Variants in FAM13A observed in about 807,000 individuals in gnomAD.
FAM13A encodes family with sequence similarity 13 member A.
A neutral mutation model predicts 129.6 loss-of-function variants in FAM13A; 76 were observed. That is an observed-to-expected ratio of 0.59 (90% confidence interval 0.49 to 0.71). The LOEUF is 0.71. FAM13A is among the 30% of genes least tolerant of loss of function. The pLI is 0.00. For synonymous variants in FAM13A, 443 were observed against 449.9 expected (o/e 0.98, Z 0.20); for missense variants, 1,108 against 1,249.3 (o/e 0.89, Z 1.70).
intron 7 of FAM13A, among the ~76,000 whole-genome samples, chr4:88,844,824 G>A (rs1578924392): frequency 6.6e-6 from 1 of 152,204 alleles, no homozygotes; most frequent in Non-Finnish European, 1.5e-5. Flanking sequence ...AAGACAGTGA[G>A]CAGTGAGGTT....
intron 4 of FAM13A, among the ~76,000 whole-genome samples, chr4:88,947,009 C>T (rs572287545): frequency 6.6e-6 from 1 of 152,218 alleles, no homozygotes; most frequent in African/African-American, 2.4e-5. Flanking sequence ...ATAGGTCAGG[C>T]TTTGGCCTGA....
intron 15 of FAM13A, 51 bp downstream of exon 15, chr4:88,750,373 T>C: frequency 7.0e-7 from 1 of 1,436,078 alleles, no homozygotes; most frequent in Non-Finnish European, 9.8e-7. Flanking sequence ...TCCTCTTTTC[T>C]GATGTTGTGG....
chr4:88,779,662 T>TA (rs1274090618), intron 11 of FAM13A, among the ~76,000 whole-genome samples: 3 of 152,272 alleles, frequency 2.0e-5, no homozygotes, highest in East Asian at 1.9e-4. Flanking sequence ...TTCTTTCACA[T>TA]AAAAAACCCC....
At chr4:88,731,489 G>C in intron 22 of FAM13A, 61 bp from the exon 23 acceptor site, 1 of 993,500 alleles carries the variant, frequency 1.0e-6, no homozygotes, top group South Asian at 1.4e-5. Flanking sequence ...TAAATGTGAT[G>C]AATGTGTAAC....
chr4:88,877,618 G>A (rs1479508232), intron 6 of FAM13A, among the ~76,000 whole-genome samples: 1 of 152,204 alleles, frequency 6.6e-6, no homozygotes, highest in Non-Finnish European at 1.5e-5. Context: ...TAGTGGCAGA[G>A]AAAGGCAGGT....
At chr4:88,842,858 C>G (rs1736051204) in intron 7 of FAM13A, among the ~76,000 whole-genome samples, 1 of 151,978 alleles carries the variant, frequency 6.6e-6, no homozygotes, top group African/African-American at 2.4e-5. Context: ...TGTCAAAATT[C>G]AAGTAGTCAT....
Position 88,749,565 on chromosome 4 carries a change from T to C in FAM13A, c.2079+206A>G, listed in dbSNP as rs573592366. On this transcript the variant is annotated intron_variant, in intron 16 of 23. Transcript: ENST00000264344. ...TGTAGACTTAAGCTTTCATTTTTTT[T>C]TTTGTAAGAATACACTTGTGCAAGG... Among the ~76,000 whole-genome samples, 31 of 152,352 alleles carry C rather than the reference T, an allele frequency of 2.0e-4. 1 individual carries two copies. The East Asian group carries it at 5.6e-3, about 27-fold the overall frequency.
intron 18 of FAM13A, among the ~76,000 whole-genome samples, chr4:88,747,373 C>G (rs1013980654): frequency 1.3e-5 from 2 of 152,202 alleles, no homozygotes; most frequent in Admixed American, 6.5e-5. Context: ...ACCTCAGAGT[C>G]ACAAAACCAG....
chr4:88,930,894 C>T (rs1458360586), intron 5 of FAM13A, among the ~76,000 whole-genome samples: 3 of 152,152 alleles, frequency 2.0e-5, no homozygotes, highest in Non-Finnish European at 4.4e-5. Context: ...TATGTATTGT[C>T]CTAAGCTTAG....
At chr4:88,821,130 C>A (rs965098760) in intron 7 of FAM13A, among the ~76,000 whole-genome samples, 1 of 152,206 alleles carries the variant, frequency 6.6e-6, no homozygotes, top group African/African-American at 2.4e-5. Flanking sequence ...CACGTAAGGG[C>A]GGGAAAGTTT....
At chr4:88,888,411 G>A (rs1744788364) in intron 6 of FAM13A, among the ~76,000 whole-genome samples, 1 of 152,118 alleles carries the variant, frequency 6.6e-6, no homozygotes, top group Non-Finnish European at 1.5e-5. Flanking sequence ...GATTTGAAAG[G>A]CAGAGGAAAA....
chr4:88,766,483 A>G (rs1745727215), intron 13 of FAM13A, among the ~76,000 whole-genome samples: 1 of 152,192 alleles, frequency 6.6e-6, no homozygotes, highest in Non-Finnish European at 1.5e-5. Flanking sequence ...TATATATAGG[A>G]CAAGAATTGA....
intron 4 of FAM13A, among the ~76,000 whole-genome samples, chr4:88,948,521 C>A (rs1186531388): frequency 6.6e-6 from 1 of 151,408 alleles, no homozygotes; most frequent in South Asian, 2.1e-4. Flanking sequence ...CAGAGTCTCA[C>A]TCTATCACCC....
chr4:88,954,694 G>A (rs915152294), intron 4 of FAM13A, among the ~76,000 whole-genome samples: 1 of 152,018 alleles, frequency 6.6e-6, no homozygotes, highest in Non-Finnish European at 1.5e-5. Flanking sequence ...TCACCAGCCT[G>A]GGCAACACGG....
chr4:88,917,912 C>T (rs1561330614), intron 5 of FAM13A, among the ~76,000 whole-genome samples: 3 of 152,132 alleles, frequency 2.0e-5, no homozygotes, highest in Non-Finnish European at 4.4e-5. Flanking sequence ...TACCCATTCA[C>T]TATAATTTTG....
chr4:88,956,698 A>T (rs1436476795), intron 4 of FAM13A, among the ~76,000 whole-genome samples: 2 of 152,196 alleles, frequency 1.3e-5, no homozygotes, highest in African/African-American at 4.8e-5. Context: ...AGGTCTTAAC[A>T]GGGGTCAGGT....
chr4:88,756,503 G>C (rs566989336), intron 14 of FAM13A, among the ~76,000 whole-genome samples: 80 of 152,136 alleles, frequency 5.3e-4, no homozygotes, highest in Non-Finnish European at 9.7e-4. Context: ...CTATGGTATG[G>C]GGATGGGAAG....
intron 14 of FAM13A, 138 bp from the exon 15 acceptor site, chr4:88,750,775 TC>T: frequency 1.5e-6 from 1 of 652,336 alleles, no homozygotes; most frequent in Non-Finnish European, 2.7e-6. Flanking sequence ...ACAGCTAAGG[TC>T]CAGGCTAAGG....
chr4:88,919,877 T>C (rs1750734102), intron 5 of FAM13A, among the ~76,000 whole-genome samples: 2 of 152,312 alleles, frequency 1.3e-5, no homozygotes, highest in South Asian at 2.1e-4. Flanking sequence ...GCTTAAAAAA[T>C]GGCGCACCAG....
Sources: allele counts gnomAD v4.1 joint callset (sites outside exome capture counted in the v4.1 genomes callset), GRCh38; gene constraint gnomAD v4.1.1; transcripts MANE v1.5; gene names NCBI Gene and HGNC (gene_info 2026-07-23, HGNC 2026-07-21).